The following KATNIP variants were observed in gnomAD, a reference collection of about 807,000 sequenced individuals.
KATNIP encodes the protein katanin interacting protein.
A neutral mutation model predicts 174.0 loss-of-function variants in KATNIP; 126 were observed. The observed-to-expected ratio is 0.72, with a 90% CI of 0.63 to 0.84. The LOEUF is 0.84. Among genes scored for constraint, KATNIP ranks in the 40% least tolerant of loss-of-function variants. The pLI is 0.00. For synonymous variants in KATNIP, 810 were observed against 835.7 expected, an observed-to-expected ratio of 0.97 and a Z score of 0.53; for missense variants, 1,958 against 2,109.7, an observed-to-expected ratio of 0.93 and a Z score of 1.41.
chr16:27,660,462 T>C (rs1328234393), intron 6 of KATNIP, among the ~76,000 whole-genome samples: 1 of 152,032 alleles, frequency 6.6e-6, no homozygotes, highest in African/African-American at 2.4e-5. Flanking sequence ...GACAGGAGAA[T>C]CACTTGAACC....
At chr16:27,590,121 G>A (rs2075120319) in intron 2 of KATNIP, among the ~76,000 whole-genome samples, 1 of 151,908 alleles carries the variant, frequency 6.6e-6, no homozygotes, top group Non-Finnish European at 1.5e-5. Context: ...TTTGATAGAT[G>A]CAATGTCCTT....
intron 6 of KATNIP, among the ~76,000 whole-genome samples, chr16:27,665,091 C>T (rs1198862942): frequency 6.6e-6 from 1 of 150,464 alleles, no homozygotes; most frequent in Non-Finnish European, 1.5e-5. Flanking sequence ...TATTATCATT[C>T]TCTTTCATTG....
chr16:27,773,536 G>A (rs2082386544), intron 23 of KATNIP, among the ~76,000 whole-genome samples: 1 of 152,214 alleles, frequency 6.6e-6, no homozygotes, highest in South Asian at 2.1e-4. Context: ...AGGTCTGCAG[G>A]GAGAAGCCTG....
chr16:27,770,121 A>G, intron 21 of KATNIP, 103 bp downstream of exon 21: 2 of 1,281,356 alleles, frequency 1.6e-6, no homozygotes, highest in Admixed American at 3.9e-5. Context: ...TGAAACGATG[A>G]TCAAACGCAT....
chr16:27,670,664 A>G (rs967076675), intron 6 of KATNIP, among the ~76,000 whole-genome samples: 1 of 152,144 alleles, frequency 6.6e-6, no homozygotes, highest in Non-Finnish European at 1.5e-5. Context: ...TTCCAGGGAT[A>G]GAGATGATTT....
At chr16:27,598,917 A>T (rs954610433) in intron 2 of KATNIP, among the ~76,000 whole-genome samples, 1 of 152,192 alleles carries the variant, frequency 6.6e-6, no homozygotes, top group African/African-American at 2.4e-5. Context: ...GAGATGTCCC[A>T]GTTGAGACAA....
chr16:27,678,404 C>T (rs1168643899), intron 7 of KATNIP, among the ~76,000 whole-genome samples: 1 of 152,050 alleles, frequency 6.6e-6, no homozygotes, highest in Non-Finnish European at 1.5e-5. Flanking sequence ...CCATCTCTCT[C>T]CCATCTCCCC....
At chr16:27,754,362 CTG>C in intron 18 of KATNIP, 111 bp downstream of exon 18, 4 of 889,972 alleles carry the variant, frequency 4.5e-6, no homozygotes, top group Non-Finnish European at 7.2e-6. Context: ...GGGTTGGACA[CTG>C]TACAGAGACA....
In KATNIP at chr16:27,618,433, T is replaced by C. The variant is rs774832695; in HGVS notation, c.72T>C (p.Ala24=). The change falls in exon 3 of 28, where the codon GCT becomes GCC. Residue 24 remains alanine, a synonymous_variant. Coordinates refer to ENST00000261588, the MANE Select transcript of KATNIP (RefSeq NM_015202.5). ...SCSREKKEGY[A]KDMVTDFDEK... ...CTGTTTCTTCATTTCAGGGTTACGC[T>C]AAGGACATGGTGACAGACTTTGATG... The C allele has an allele frequency of 4.3e-6, 7 of 1,612,528 alleles. No homozygotes were observed. Among genetic ancestry groups the C allele is most frequent in the Non-Finnish European group, 5.9e-6 (7 of 1,178,686 alleles).
intron 1 of KATNIP, among the ~76,000 whole-genome samples, chr16:27,557,600 T>C (rs1188395090): frequency 2.0e-5 from 3 of 151,742 alleles, no homozygotes; most frequent in African/African-American, 7.3e-5. Flanking sequence ...GCTAATTTTT[T>C]ATTTTTTGTG....
At chr16:27,750,695 G>A (rs1012214164) in intron 16 of KATNIP, among the ~76,000 whole-genome samples, 5 of 145,150 alleles carry the variant, frequency 3.4e-5, no homozygotes, top group African/African-American at 7.7e-5. Flanking sequence ...GCCTCCCAAA[G>A]TGTTGGAATT....
intron 5 of KATNIP, 119 bp from the exon 6 acceptor site, chr16:27,648,485 C>A: frequency 8.3e-7 from 1 of 1,210,112 alleles, no homozygotes; most frequent in Non-Finnish European, 1.2e-6. Flanking sequence ...GCAGGCACAC[C>A]ACCCCATGGT....
intron 24 of KATNIP, among the ~76,000 whole-genome samples, chr16:27,775,957 C>G (rs989711164): frequency 6.6e-6 from 1 of 152,238 alleles, no homozygotes; most frequent in Non-Finnish European, 1.5e-5. Context: ...GAGGGGGCAA[C>G]AGAGCTCTGT....
chr16:27,618,451 C>T lies in KATNIP; in HGVS notation c.90C>T (p.Asp30=), dbSNP rs201521713. Residue 30 remains aspartate (D), a synonymous_variant, in exon 3 of 28, where the codon GAC becomes GAT. Coordinates refer to ENST00000261588, the MANE Select transcript of KATNIP (RefSeq NM_015202.5). The part of the protein sequence containing the change: ...KEGYAKDMVT[D]FDEKHDEYLI... ...GTTACGCTAAGGACATGGTGACAGA[C>T]TTTGATGAGAAACATGATGAGTATT... 3 of 1,613,526 alleles carry T rather than the reference C, an allele frequency of 1.9e-6. No homozygotes were observed. The highest frequency in any genetic ancestry group is 2.2e-5 in the East Asian group (1 of 44,870).
intron 13 of KATNIP, among the ~76,000 whole-genome samples, chr16:27,713,483 A>T (rs1426978306): frequency 6.6e-6 from 1 of 151,678 alleles, no homozygotes; most frequent in Non-Finnish European, 1.5e-5. Flanking sequence ...TCACACCTAT[A>T]ATCCCAGCAC....
intron 8 of KATNIP, 128 bp from the exon 9 acceptor site, chr16:27,698,200 G>T: frequency 1.0e-6 from 1 of 966,002 alleles, no homozygotes; most frequent in Non-Finnish European, 1.5e-6. Flanking sequence ...GTCTTTTACC[G>T]CCTTGACATT....
At chr16:27,703,167 C>CA (rs1032003109) in intron 11 of KATNIP, among the ~76,000 whole-genome samples, 1,739 of 122,768 alleles carry the variant, frequency 0.014, 35 homozygotes, top group African/African-American at 0.047. Flanking sequence ...AACTCCATCT[C>CA]AAAAAAAAAA....
At chr16:27,576,510 T>C (rs1248755485) in intron 2 of KATNIP, among the ~76,000 whole-genome samples, 2 of 152,120 alleles carry the variant, frequency 1.3e-5, no homozygotes, top group African/African-American at 2.4e-5. Context: ...GCGAAGTGGC[T>C]CCTGCCTATA....
At chr16:27,616,884 T>G (rs2076052911) in intron 2 of KATNIP, among the ~76,000 whole-genome samples, 1 of 66,324 alleles carries the variant, frequency 1.5e-5, no homozygotes, top group Non-Finnish European at 2.5e-5. Context: ...ATGCCATCTC[T>G]ACTAAAAAAA....
Sources: allele counts gnomAD v4.1 joint callset (sites outside exome capture counted in the v4.1 genomes callset), GRCh38; gene constraint gnomAD v4.1.1; transcripts MANE v1.5; gene names NCBI Gene and HGNC (gene_info 2026-07-23, HGNC 2026-07-21).